PTPRJ: variants seen among roughly 807,000 people sequenced by gnomAD.
The protein encoded by PTPRJ is protein tyrosine phosphatase receptor type J, also known as receptor-type tyrosine-protein phosphatase eta.
PTPRJ carries 129 observed loss-of-function variants against 141.3 expected under a neutral mutation model. The observed-to-expected ratio is 0.91, with a 90% CI of 0.79 to 1.06. The LOEUF is 1.06. Ranked by LOEUF, PTPRJ falls within the 50% of genes least tolerant of loss-of-function variation. PTPRJ has a pLI of 0.00. For missense variants in PTPRJ, 1,601 were observed against 1,679.7 expected, an observed-to-expected ratio of 0.95 and a Z score of 0.82; for synonymous variants, 610 against 640.5, an observed-to-expected ratio of 0.95 and a Z score of 0.72.
intron 1 of PTPRJ, among the ~76,000 whole-genome samples, chr11:48,032,343 G>T (rs1854005519): frequency 6.6e-6 from 1 of 152,244 alleles, no homozygotes; most frequent in Non-Finnish European, 1.5e-5. Flanking sequence ...TCTGACAGCT[G>T]AGCGGCTACA....
chr11:48,012,178 C>G (rs1003322829), intron 1 of PTPRJ, among the ~76,000 whole-genome samples: 1 of 152,002 alleles, frequency 6.6e-6, no homozygotes, highest in Non-Finnish European at 1.5e-5. Flanking sequence ...GTCACTGTCC[C>G]AGTTTTCTTC....
chr11:48,095,224 T>C (rs1238567277), intron 1 of PTPRJ, among the ~76,000 whole-genome samples: 1 of 152,216 alleles, frequency 6.6e-6, no homozygotes, highest in Non-Finnish European at 1.5e-5. Flanking sequence ...ACAATTTGCC[T>C]TTTAGTGAAG....
intron 1 of PTPRJ, among the ~76,000 whole-genome samples, chr11:48,091,935 G>T (rs1026698393): frequency 2.0e-4 from 31 of 152,156 alleles, no homozygotes; most frequent in Admixed American, 1.6e-3. Flanking sequence ...CCCCTGTGAA[G>T]CTGGTAGGTT....
intron 1 of PTPRJ, among the ~76,000 whole-genome samples, chr11:48,076,421 T>C (rs1255208730): frequency 6.6e-6 from 1 of 152,240 alleles, no homozygotes; most frequent in Admixed American, 6.5e-5. Flanking sequence ...TTTGCTGATA[T>C]ACGTAGAATC....
chr11:47,999,290 C>A (rs1854428320), intron 1 of PTPRJ, among the ~76,000 whole-genome samples: 1 of 152,228 alleles, frequency 6.6e-6, no homozygotes, highest in South Asian at 2.1e-4. Flanking sequence ...AGGCCCAAGA[C>A]TTGCTTGCTT....
intron 1 of PTPRJ, among the ~76,000 whole-genome samples, chr11:48,107,431 G>A (rs1047076316): frequency 4.6e-5 from 7 of 152,134 alleles, no homozygotes; most frequent in Non-Finnish European, 1.0e-4. Context: ...AGCATTGGGT[G>A]TTCCTGGGCA....
rs767531645 is a variant in PTPRJ, at chr11:48,164,523, C to T, written c.3855+8C>T. On this transcript the variant is annotated splice_region_variant and intron_variant, in intron 24 of 24. Coordinates refer to ENST00000418331, the MANE Select transcript of PTPRJ (RefSeq NM_002843.4). ...TTAATGGTGCAGACAGAGGTGAGGC[C>T]AAGATCTGTATTTGACATTCCACCC... 5.7e-6 allele frequency: 9 copies of T among 1,573,914 alleles called. No individual in the cohort carries two copies. Among genetic ancestry groups the T allele is most frequent in the Non-Finnish European group, 7.8e-6 (9 of 1,153,242 alleles).
At chr11:48,164,039 A>G (rs1329291751) in intron 23 of PTPRJ, among the ~76,000 whole-genome samples, 1 of 152,246 alleles carries the variant, frequency 6.6e-6, no homozygotes, top group Non-Finnish European at 1.5e-5. Context: ...TTAGGACAGA[A>G]GACAGGAGGG....
Position 48,127,868 on chromosome 11 carries a change from A to G in PTPRJ, c.1182A>G (p.Ser394=). 6.2e-7 allele frequency: 1 copy of G among 1,614,222 alleles called. No homozygotes were observed. Among genetic ancestry groups the G allele is most frequent in the Non-Finnish European group, 8.5e-7 (1 of 1,180,028 alleles). ...GGAAAGTCAGCGATAACGAGTCGTC[A>G]TCTAACTATACCTACAAGATACATG... ...LIWKVSDNES[S]SNYTYKIHVA... Residue 394 remains serine (S), a synonymous_variant, in exon 7 of 25, where the codon TCA becomes TCG. Transcript: ENST00000418331.
chr11:48,065,527 G>T (rs1270508059), intron 1 of PTPRJ, among the ~76,000 whole-genome samples: 2 of 152,068 alleles, frequency 1.3e-5, no homozygotes, highest in Admixed American at 1.3e-4. Flanking sequence ...TTTGTAAATT[G>T]TATATCCTCT....
At chr11:48,022,296 C>G (rs1040234620) in intron 1 of PTPRJ, among the ~76,000 whole-genome samples, 5 of 152,056 alleles carry the variant, frequency 3.3e-5, no homozygotes, top group Non-Finnish European at 5.9e-5. Context: ...GAAACCCCGT[C>G]TCTACTAAAA....
chr11:47,990,558 T>C (rs761771477), intron 1 of PTPRJ, among the ~76,000 whole-genome samples: 1 of 152,016 alleles, frequency 6.6e-6, no homozygotes, highest in Non-Finnish European at 1.5e-5. Context: ...ATTACAAGCA[T>C]GCGCCACCAT....
intron 1 of PTPRJ, among the ~76,000 whole-genome samples, chr11:48,037,967 C>T (rs1381921318): frequency 6.6e-6 from 1 of 151,824 alleles, no homozygotes; most frequent in Non-Finnish European, 1.5e-5. Context: ...TTTCTCTTTC[C>T]TCCACGTTGC....
At chr11:47,986,529 T>A (rs537316281) in intron 1 of PTPRJ, among the ~76,000 whole-genome samples, 1 of 152,290 alleles carries the variant, frequency 6.6e-6, no homozygotes, top group South Asian at 2.1e-4. Context: ...AATTTTTTCT[T>A]TTTTTAAGAC....
chr11:48,092,310 AAAAAAAAGAAAAAGAAAAAAAG>A (rs1291238390), intron 1 of PTPRJ, among the ~76,000 whole-genome samples: 1 of 148,906 alleles, frequency 6.7e-6, no homozygotes, highest in African/African-American at 2.6e-5. Flanking sequence ...AAAAAAAAAA[AAAAAAAAGAAAAAGAAAAAAAG>A]AAATGCAGGT....
chr11:48,008,506 C>A (rs1854684911), intron 1 of PTPRJ, among the ~76,000 whole-genome samples: 1 of 151,966 alleles, frequency 6.6e-6, no homozygotes, highest in Admixed American at 6.6e-5. Context: ...GATCCAACTG[C>A]CTCGGCCTCC....
chr11:48,019,985 T>C (rs1028587331), intron 1 of PTPRJ, among the ~76,000 whole-genome samples: 4 of 152,204 alleles, frequency 2.6e-5, no homozygotes, highest in African/African-American at 9.6e-5. Context: ...TAAAATGAAA[T>C]GAATAGTTGG....
intron 23 of PTPRJ, among the ~76,000 whole-genome samples, 188 bp from the exon 24 acceptor site, chr11:48,164,192 G>C (rs998394674): frequency 7.2e-5 from 11 of 152,182 alleles, no homozygotes; most frequent in Non-Finnish European, 1.3e-4. Context: ...TTGGGACTTA[G>C]GCCCCAGTCC....
chr11:48,166,072 C>T (rs1857909819), intron 24 of PTPRJ, among the ~76,000 whole-genome samples: 1 of 151,546 alleles, frequency 6.6e-6, no homozygotes, highest in South Asian at 2.1e-4. Flanking sequence ...ACCATGTTGG[C>T]CAGGATGGTC....
Sources: gnomAD v4.1 joint callset for allele counts (sites outside exome capture counted in the v4.1 genomes callset) on GRCh38, gnomAD v4.1.1 for gene constraint, MANE v1.5 for transcripts, NCBI Gene and HGNC (gene_info 2026-07-23, HGNC 2026-07-21) for gene names.